SETD1B: variants seen among roughly 807,000 people sequenced by gnomAD.
SETD1B encodes histone-lysine N-methyltransferase SETD1B.
In SETD1B, 7 loss-of-function variants were observed where a neutral mutation model predicts 148.0. The observed-to-expected ratio is 0.05, with a 90% CI of 0.03 to 0.09. The LOEUF (loss-of-function observed/expected upper bound fraction) is 0.09, where lower values mean the gene tolerates loss of function less well. SETD1B is among the 10% of genes least tolerant of loss of function. The pLI is 1.00. For synonymous variants in SETD1B, 1,361 were observed against 1,186.5 expected, an observed-to-expected ratio of 1.15 and a Z score of -3.02; for missense variants, 2,155 against 2,729.9, an observed-to-expected ratio of 0.79 and a Z score of 4.69.
chr12:121,806,002 C>G lies in SETD1B; in HGVS notation c.441C>G (p.Ala147=). 4 of 1,551,682 alleles carry G rather than the reference C, an allele frequency of 2.6e-6. No homozygotes were observed. The highest frequency in any genetic ancestry group is 3.5e-6 in the Non-Finnish European group (4 of 1,146,976). The change falls in exon 4 of 17, where the codon GCC becomes GCG. Residue 147 remains alanine, a synonymous_variant. Transcript: ENST00000604567. ...AGACCAAGAAGCACCTGGGCATCGC[C>G]AAGGTGGTCTTTGCCACGGTCCGGG... ...NPKTKKHLGI[A]KVVFATVRGA...
Position 121,814,117 on chromosome 12 carries a change from C to G in SETD1B, c.1902C>G (p.Ser634=). 6.5e-7 allele frequency: 1 copy of G among 1,548,786 alleles called. No homozygotes were observed. Among genetic ancestry groups the G allele is most frequent in the Non-Finnish European group, 8.7e-7 (1 of 1,146,578 alleles). ...TSEKMDEGQQ[S]SGEDMEISDD... ...TGCTCTCTCTGCAGGGCCAGCAGTC[C>G]TCAGGCGAGGACATGGAGATCTCGG... Residue 634 remains serine (S), a synonymous_variant, in exon 7 of 17, where the codon TCC becomes TCG. Coordinates refer to ENST00000604567, the MANE Select transcript of SETD1B (RefSeq NM_001353345.2).
In SETD1B at chr12:121,825,315, A is replaced by G. The variant is rs1191423226; in HGVS notation, c.5286A>G (p.Arg1762=). ...FYTIDKKDKL[R]YLNSSRASTD... ...CCATCGACAAGAAGGACAAGCTCAG[A>G]TACCTCAACAGCAGCCGTGCCAGCA... The change falls in exon 13 of 17, where the codon AGA becomes AGG. Residue 1762 remains arginine (R), a synonymous_variant. Coordinates refer to ENST00000604567, the MANE Select transcript of SETD1B (RefSeq NM_001353345.2). 9.7e-6 allele frequency: 15 copies of G among 1,551,764 alleles called. No homozygotes were observed. Among genetic ancestry groups the G allele is most frequent in the East Asian group, 2.4e-5 (1 of 40,918 alleles).
rs60212815 is a variant in SETD1B, at chr12:121,810,316, C to T, written c.1371C>T (p.Pro457=). 1.8e-4 allele frequency: 278 copies of T among 1,544,210 alleles called. 1 individual carries two copies. In the Middle Eastern group the frequency reaches 3.0e-3, roughly 17 times the overall value. The change falls in exon 6 of 17, where the codon CCC becomes CCT. Residue 457 remains proline, a synonymous_variant. Coordinates refer to ENST00000604567, the MANE Select transcript of SETD1B (RefSeq NM_001353345.2). This position sits in a 1 kb window ranked among gnomAD's most constrained non-coding sequence, Gnocchi z 7.6. The part of the protein sequence containing the change: ...KPGTPPGPPP[P]DTNSMELGGR... The stretch of plus-strand genomic sequence containing the variant: ...GCACGCCACCCGGCCCGCCGCCCCC[C>T]GACACCAACAGCATGGAGCTGGGCG...
rs1875712997 is a variant in SETD1B at position 121,805,770 on chromosome 12, G to A, written c.274-65G>A. ...GGGCGAGTTGCGGGCGGGGCGGGGGGGATGTTGTGTTTTCCCTTAGGTTTA... is the reference window on the plus strand; with the variant it reads ...GGGCGAGTTGCGGGCGGGGCGGGGGAGATGTTGTGTTTTCCCTTAGGTTTA... On this transcript the variant is annotated intron_variant, in intron 3 of 16. Coordinates refer to ENST00000604567, the MANE Select transcript of SETD1B (RefSeq NM_001353345.2). The surrounding 1 kb of genome is among the most constrained non-coding windows in gnomAD (Gnocchi z 4.2). 2 of 1,446,798 alleles carry A rather than the reference G, an allele frequency of 1.4e-6. No individual in the cohort carries two copies. The highest frequency in any genetic ancestry group is 2.5e-5 in the East Asian group (1 of 39,740). The allele number at this position is 1,446,798 out of a possible 1,614,324, so 89.6% of individuals were successfully genotyped here.
the SETD1B span, chr12:121,795,677 C>G: frequency 6.5e-6 from 1 of 152,800 alleles, no homozygotes; most frequent in African/African-American, 2.4e-5. Flanking sequence ...GCTGGGGAGG[C>G]AGGGCTGGGG....
At position 121,810,361 on chromosome 12, in the gene SETD1B, G is replaced by C; in HGVS notation, c.1416G>C (p.Trp472Cys). 6.5e-7 allele frequency: 1 copy of C among 1,547,374 alleles called. No homozygotes were observed. Among genetic ancestry groups the C allele is most frequent in the South Asian group, 1.2e-5 (1 of 84,026 alleles). The change falls in exon 6 of 17, where the codon TGG (tryptophan) becomes TGC (cysteine). Residue 472 changes from tryptophan (W) to cysteine (C), a missense_variant. Physicochemically the swap from Trp to Cys is radical, Grantham distance 215. Transcript: ENST00000604567. The surrounding 1 kb of genome is among the most constrained non-coding windows in gnomAD (Gnocchi z 7.6). ...MELGGRPTFG[W>C]SPEPCDSPGT... ...TGGGCGGCCGGCCCACCTTCGGCTG[G>C]AGTCCTGAGCCCTGTGACAGCCCTG...
chr12:121,798,541 A>C, the SETD1B span, among the ~76,000 whole-genome samples: 1 of 152,248 alleles, frequency 6.6e-6, no homozygotes, highest in East Asian at 1.9e-4. Flanking sequence ...TCCAGCAGGC[A>C]TCCTTATCAC....
At position 121,817,756 on chromosome 12, in the gene SETD1B, A is replaced by G; in HGVS notation, c.3313-43A>G. The G allele has an allele frequency of 6.5e-7, 1 of 1,541,674 alleles. No homozygotes were observed. Among genetic ancestry groups the G allele is most frequent in the Non-Finnish European group, 8.8e-7 (1 of 1,140,478 alleles). On this transcript the variant is annotated intron_variant, in intron 9 of 16. Transcript: ENST00000604567. The surrounding 1 kb of genome is among the most constrained non-coding windows in gnomAD (Gnocchi z 8.1). ...GGGGCCGGGCCAGGCGACGAGGGCC[A>G]GACCCTTCGGCTCACCTGTCCCCAC...
intron 6 of SETD1B, among the ~76,000 whole-genome samples, chr12:121,812,439 C>T (rs1454685165): frequency 6.9e-6 from 1 of 144,530 alleles, no homozygotes; most frequent in Admixed American, 6.7e-5. Context: ...CAGCACAGGA[C>T]CTCAGCTTAA....
chr12:121,814,334 C>A lies in SETD1B; in HGVS notation c.2119C>A (p.Pro707Thr). The A allele has an allele frequency of 1.3e-6, 1 of 776,568 alleles. No individual in the cohort carries two copies. The highest frequency in any genetic ancestry group is 1.9e-6 in the Non-Finnish European group (1 of 538,456). 48.1% of individuals were successfully genotyped at this position (776,568 alleles called of 1,614,324 possible). A position where few individuals can be genotyped will look rare whatever the true frequency, so the allele number is the denominator to read the frequency against. ...ACCGCAGCCTGGCTTCCCCATGCCC[C>A]CACCGCTGCCCCCACCGCCGCCCCC... ...PPPQPGFPMPPPLPPPPPPPP... is the reference protein window; with the variant it reads ...PPPQPGFPMPTPLPPPPPPPP... The change falls in exon 7 of 17, where the codon CCA becomes ACA. Residue 707 changes from proline to threonine, a missense_variant. By Grantham distance (38) the Pro-to-Thr change is conservative (BLOSUM62 -1). Around this residue, in one of 11 missense-constraint regions of SETD1B, gnomAD observed 295 missense variants for 303.8 expected, o/e 0.97. Transcript: ENST00000604567.
Position 121,810,531 on chromosome 12 carries a change from A to C in SETD1B, c.1586A>C (p.Glu529Ala). The change falls in exon 6 of 17, where the codon GAG becomes GCG. Residue 529 changes from glutamate (E) to alanine (A), a missense_variant. By Grantham distance (107) the Glu-to-Ala change is moderately radical. Around this residue, in one of 11 missense-constraint regions of SETD1B, gnomAD observed 295 missense variants for 303.8 expected, o/e 0.97. Transcript: ENST00000604567. This position sits in a 1 kb window ranked among gnomAD's most constrained non-coding sequence, Gnocchi z 7.6. Reference sequence around the variant, plus strand: ...GACTCGGACACCGAGCTGCAGATGGAGGGCAGCCCCATCTCCTCCTCCTCC... The same window carrying C: ...GACTCGGACACCGAGCTGCAGATGGCGGGCAGCCCCATCTCCTCCTCCTCC... ...EPDSDTELQM[E>A]GSPISSSSSQ... 9 of 1,546,372 alleles carry C rather than the reference A, an allele frequency of 5.8e-6. No individual in the cohort carries two copies. Among genetic ancestry groups the C allele is most frequent in the Non-Finnish European group, 7.8e-6 (9 of 1,146,976 alleles).
chr12:121,816,942 G>A, intron 7 of SETD1B, 91 bp from the exon 8 acceptor site: 11 of 1,204,016 alleles, frequency 9.1e-6, no homozygotes, highest in Non-Finnish European at 1.1e-6. Flanking sequence ...GGCTGTTACT[G>A]CCGAGTGGAA....
In SETD1B at chr12:121,805,942, G is replaced by C; in HGVS notation, c.381G>C (p.Gly127=). 6.4e-7 allele frequency: 1 copy of C among 1,551,660 alleles called. No homozygotes were observed. The highest frequency in any genetic ancestry group is 1.4e-5 in the African/African-American group (1 of 73,148). The stretch of plus-strand genomic sequence containing the variant: ...TGAGGGACATGTGCAAGAAGTATGG[G>C]GAGGTGGAGGAGGTGGAGATTTTGT... ...NFLRDMCKKY[G]EVEEVEILYN... Residue 127 remains glycine, a synonymous_variant, in exon 4 of 17, where the codon GGG becomes GGC. Coordinates refer to ENST00000604567, the MANE Select transcript of SETD1B (RefSeq NM_001353345.2). This position sits in a 1 kb window ranked among gnomAD's most constrained non-coding sequence, Gnocchi z 4.2.
intron 6 of SETD1B, among the ~76,000 whole-genome samples, chr12:121,812,939 C>T (rs924180513): frequency 6.6e-6 from 1 of 152,078 alleles, no homozygotes; most frequent in African/African-American, 2.4e-5. Context: ...CAGACTCCAC[C>T]TCCACCCCCA....
rs1422646565 is a variant in SETD1B at position 121,832,436 on chromosome 12, TTC to T, written c.*2202_*2203del. The T allele has an allele frequency of 6.5e-6, 1 of 152,956 alleles. No individual in the cohort carries two copies. 9.5% of individuals were successfully genotyped at this position (152,956 alleles called of 1,614,324 possible). ...TTGGGGGTTTCTGCTATTTTTTGCT[TTC>T]TCTCCCTCCCCCTGCAAAGATGAGA... On this transcript the variant is annotated 3_prime_UTR_variant, in exon 17 of 17. Transcript: ENST00000604567.
At chr12:121,795,891 G>A in the SETD1B span, 3 of 152,632 alleles carry the variant, frequency 2.0e-5, no homozygotes, top group African/African-American at 7.2e-5. Context: ...GCACAGAAGT[G>A]GAGGCGGGAA....
chr12:121,797,531 T>A, the SETD1B span: 1 of 456,374 alleles, frequency 2.2e-6, no homozygotes, highest in Admixed American at 2.3e-5. Context: ...TCCAGCCAGG[T>A]GGGTCCCGAC....
At chr12:121,799,780 C>T (rs1875235579), upstream of SETD1B, 3 of 141,684 alleles carry the variant, frequency 2.1e-5, no homozygotes, top group South Asian at 6.9e-4. Flanking sequence ...GGGGTTCGGC[C>T]CTCCCTGGGC....
Position 121,805,689 on chromosome 12 carries a change from A to AT in SETD1B, c.274-130dup, listed in dbSNP as rs67605254. 5.4e-3 allele frequency: 2,969 copies of AT among 546,384 alleles called. 22 individuals carry two copies. The highest frequency in any genetic ancestry group is 0.031 in the African/African-American group (1,523 of 48,768). 33.8% of individuals were successfully genotyped at this position (546,384 alleles called of 1,614,324 possible). On this transcript the variant is annotated intron_variant, in intron 3 of 16. Transcript: ENST00000604567. This position sits in a 1 kb window ranked among gnomAD's most constrained non-coding sequence, Gnocchi z 4.2. ...CGTGCATTTTTTTTTTCCAAAAAAA[A>AT]TTTTTTTTTTTTTTTTAATTTTTAG...
Sources: gnomAD v4.1 joint callset for allele counts (sites outside exome capture counted in the v4.1 genomes callset) on GRCh38, gnomAD v4.1.1 for gene constraint, gnomAD v4.1.1 regional missense constraint, Gnocchi (gnomAD v3.1) non-coding constraint, MANE v1.5 for transcripts, NCBI Gene and HGNC (gene_info 2026-07-23, HGNC 2026-07-21) for gene names.